Variants in PCDH11X observed in about 807,000 individuals in gnomAD.
PCDH11X encodes protocadherin-11 X-linked.
A neutral mutation model predicts 53.3 loss-of-function variants in PCDH11X; 18 were observed. The ratio of observed to expected loss-of-function variants is 0.34; its 90% confidence interval spans 0.23 to 0.50. The LOEUF (loss-of-function observed/expected upper bound fraction) is 0.50, where lower values mean the gene tolerates loss of function less well. PCDH11X is among the 20% of genes least tolerant of loss of function. PCDH11X has a pLI of 0.98. For synonymous variants in PCDH11X, 279 were observed against 393.3 expected, an observed-to-expected ratio of 0.71 and a Z score of 3.44; for missense variants, 570 against 1,032.4, an observed-to-expected ratio of 0.55 and a Z score of 6.14.
intron 6 of PCDH11X, among the ~76,000 whole-genome samples, chrX:92,153,904 G>C (rs1162826312): frequency 1.8e-5 from 2 of 110,682 alleles, no homozygotes; most frequent in Non-Finnish European, 1.9e-5. Flanking sequence ...AATAACAAAG[G>C]AGGATAAAAG....
At chrX:91,843,269 G>C (rs1441567480) in intron 5 of PCDH11X, among the ~76,000 whole-genome samples, 2 of 105,120 alleles carry the variant, frequency 1.9e-5, no homozygotes, top group Admixed American at 1.0e-4. Flanking sequence ...ACTTATGTGT[G>C]TGTGTGTGTG....
rs202209254 is a variant in PCDH11X at position 92,506,220 on chromosome X, T to TTTC, written c.3367+37900_3367+37901insCTT. 6.8e-3 allele frequency among the ~76,000 whole-genome samples: 503 copies of TTTC among 74,436 alleles called. 12 individuals are homozygous for TTTC. In the East Asian group the frequency reaches 0.11, roughly 16 times the overall value. The allele number at this position is 74,436 out of a possible 115,157, so 64.6% of individuals were successfully genotyped here. ...GGATACATTTTCTTTTCTTTTCTTT[T>TTTC]TTTTTTTTTTTTTTTTTTGCCTGAT... On this transcript the variant is annotated intron_variant, in intron 10 of 10. Coordinates refer to ENST00000682573, the MANE Select transcript of PCDH11X (RefSeq NM_032968.5).
intron 8 of PCDH11X, among the ~76,000 whole-genome samples, chrX:92,289,498 C>G (rs1237647205): frequency 9.0e-6 from 1 of 111,597 alleles, no homozygotes; most frequent in Non-Finnish European, 1.9e-5. Flanking sequence ...TAAATGAGTA[C>G]TTACGCACTG....
chrX:91,954,085 G>A (rs1016064288), intron 6 of PCDH11X, among the ~76,000 whole-genome samples: 27 of 109,990 alleles, frequency 2.5e-4, no homozygotes, highest in African/African-American at 8.9e-4. Flanking sequence ...TCCCAGCATC[G>A]ATTAGGTATT....
chrX:91,856,558 A>T (rs1275064634), intron 5 of PCDH11X, among the ~76,000 whole-genome samples: 1 of 109,802 alleles, frequency 9.1e-6, no homozygotes, highest in Non-Finnish European at 1.9e-5. Flanking sequence ...CTATCAACCC[A>T]TCATGTAGGT....
chrX:92,113,042 G>A lies in PCDH11X; in HGVS notation c.3034-88333G>A, dbSNP rs2064553182. On this transcript the variant is annotated intron_variant, in intron 6 of 10. Transcript: ENST00000682573. ...GTGAGTGTATAGGGGTTAGATTCAG[G>A]GGAAGGAACAGTACTTCTACTTTAA... 1.8e-5 allele frequency among the ~76,000 whole-genome samples: 2 copies of A among 108,789 alleles called. 1 individual carries two copies. The highest frequency in any genetic ancestry group is 7.0e-5 in the African/African-American group (2 of 28,557). The allele number at this position is 108,789 out of a possible 115,157, so 94.5% of individuals were successfully genotyped here. A position where few individuals can be genotyped will look rare whatever the true frequency, so the allele number is the denominator to read the frequency against.
intron 8 of PCDH11X, among the ~76,000 whole-genome samples, chrX:92,343,453 G>A (rs2069814117): frequency 9.1e-6 from 1 of 110,242 alleles, no homozygotes. Context: ...GGTAATAATT[G>A]TTAAACCTGT....
intron 10 of PCDH11X, among the ~76,000 whole-genome samples, chrX:92,552,395 C>T (rs1164273325): frequency 1.9e-5 from 2 of 107,099 alleles, no homozygotes; most frequent in Admixed American, 1.0e-4. Flanking sequence ...TTTTATCCTG[C>T]AACTTTACTG....
At chrX:92,523,271 T>G (rs1352372558) in intron 10 of PCDH11X, among the ~76,000 whole-genome samples, 1 of 111,526 alleles carries the variant, frequency 9.0e-6, no homozygotes, top group Non-Finnish European at 1.9e-5. Flanking sequence ...CTCAGCCCAC[T>G]GGCTTCTTTG....
chrX:92,344,679 G>T (rs2069846720), intron 8 of PCDH11X, among the ~76,000 whole-genome samples: 1 of 98,374 alleles, frequency 1.0e-5, no homozygotes, highest in African/African-American at 3.9e-5. Flanking sequence ...GCTTGATAAA[G>T]AAATAAGATA....
At position 91,878,138 on chromosome X, in the gene PCDH11X, G is replaced by C; in HGVS notation, c.1898G>C (p.Arg633Thr). The stretch of plus-strand genomic sequence containing the variant: ...ATCCGACCAAATATTTCATTTGATA[G>C]AGAAAAACAAGAATCTTACACTTTC... ...GVIRPNISFD[R>T]EKQESYTFYV... The change falls in exon 6 of 11, where the codon AGA becomes ACA. Residue 633 changes from arginine (R) to threonine (T), a missense_variant. By Grantham distance (71) the Arg-to-Thr change is moderately conservative. Around this residue, in one of 6 missense-constraint regions of PCDH11X, gnomAD observed 226 missense variants for 457.5 expected, o/e 0.49. Transcript: ENST00000682573. The C allele has an allele frequency of 8.3e-7, 1 of 1,204,684 alleles. No homozygotes were observed. The highest frequency in any genetic ancestry group is 2.3e-4 in the Middle Eastern group (1 of 4,338).
chrX:92,033,791 G>T (rs113006834), intron 6 of PCDH11X, among the ~76,000 whole-genome samples: 3,837 of 108,541 alleles, frequency 0.035, 167 homozygotes, highest in African/African-American at 0.12. Flanking sequence ...CTAATGTTGA[G>T]TTTGGTTTGC....
chrX:92,576,011 T>TATATGTACAC (rs1376237034), intron 10 of PCDH11X, among the ~76,000 whole-genome samples: 1 of 28,097 alleles, frequency 3.6e-5, no homozygotes, highest in African/African-American at 1.7e-4. Flanking sequence ...TATATATATA[T>TATATGTACAC]ACACACACAC....
intron 6 of PCDH11X, among the ~76,000 whole-genome samples, chrX:91,903,517 C>T (rs1941027438): frequency 9.0e-6 from 1 of 111,018 alleles, no homozygotes; most frequent in Admixed American, 9.7e-5. Flanking sequence ...CAGTTTCCTA[C>T]TATACAGCAT....
chrX:91,824,212 A>G (rs1229335100), intron 4 of PCDH11X, among the ~76,000 whole-genome samples: 1 of 110,973 alleles, frequency 9.0e-6, no homozygotes, highest in Non-Finnish European at 1.9e-5. Flanking sequence ...CTGAATTTGA[A>G]TGTTGGCCTA....
chrX:92,319,486 G>A (rs1352580736), intron 8 of PCDH11X, among the ~76,000 whole-genome samples: 2 of 111,905 alleles, frequency 1.8e-5, no homozygotes, highest in African/African-American at 3.2e-5. Flanking sequence ...GACCACGGCC[G>A]TAGAATTAAA....
chrX:92,452,377 A>G (rs759612250), intron 9 of PCDH11X, among the ~76,000 whole-genome samples: 2,457 of 93,014 alleles, frequency 0.026, 107 homozygotes, highest in African/African-American at 0.095. Context: ...AAGTATTAAA[A>G]TGATATTTGA....
At chrX:92,586,060 G>A (rs1164329285) in intron 10 of PCDH11X, among the ~76,000 whole-genome samples, 1 of 78,428 alleles carries the variant, frequency 1.3e-5, no homozygotes, top group Non-Finnish European at 2.4e-5. Context: ...ACCACTGTAA[G>A]GTGGTCATTA....
chrX:92,016,050 A>T, intron 6 of PCDH11X, among the ~76,000 whole-genome samples: 1 of 112,606 alleles, frequency 8.9e-6, no homozygotes, highest in East Asian at 2.8e-4. Context: ...ATTTCCTTTT[A>T]TATCTTTTTC....
Sources: gnomAD v4.1 joint callset for allele counts (sites outside exome capture counted in the v4.1 genomes callset) on GRCh38, gnomAD v4.1.1 for gene constraint, gnomAD v4.1.1 regional missense constraint, MANE v1.5 for transcripts, NCBI Gene and HGNC (gene_info 2026-07-23, HGNC 2026-07-21) for gene names.